The following COPS4 variants were observed in gnomAD, a reference collection of about 807,000 sequenced individuals.
COPS4 encodes the protein COP9 signalosome complex subunit 4.
COPS4 carries 8 observed loss-of-function variants against 55.1 expected under a neutral mutation model. The observed-to-expected ratio is 0.15, with a 90% CI of 0.09 to 0.26. The LOEUF (loss-of-function observed/expected upper bound fraction) is 0.26, where lower values mean the gene tolerates loss of function less well. COPS4 is among the 10% of genes least tolerant of loss of function. The pLI, the probability that COPS4 is intolerant of heterozygous loss-of-function variation, is 1.00. For synonymous variants in COPS4, 185 were observed against 165.7 expected, an observed-to-expected ratio of 1.12 and a Z score of -0.90; for missense variants, 248 against 484.0, an observed-to-expected ratio of 0.51 and a Z score of 4.58.
At chr4:83,037,277 G>T (rs1578699852) in intron 1 of COPS4, among the ~76,000 whole-genome samples, 1 of 152,300 alleles carries the variant, frequency 6.6e-6, no homozygotes, top group South Asian at 2.1e-4. Flanking sequence ...TCTAGTACTG[G>T]TCAAAGTAAA....
intron 1 of COPS4, among the ~76,000 whole-genome samples, chr4:83,038,048 T>C (rs1042260114): frequency 3.9e-5 from 6 of 152,360 alleles, no homozygotes; most frequent in African/African-American, 1.4e-4. Context: ...TAGGCTGCTT[T>C]TGTGCATATT....
intron 1 of COPS4, among the ~76,000 whole-genome samples, chr4:83,039,245 C>G (rs1403598009): frequency 1.3e-5 from 2 of 152,126 alleles, no homozygotes; most frequent in Non-Finnish European, 2.9e-5. Flanking sequence ...TGTGGATTGG[C>G]TGGCTTGTTG....
At chr4:83,046,105 G>A (rs2126128741) in intron 2 of COPS4, among the ~76,000 whole-genome samples, 1 of 151,742 alleles carries the variant, frequency 6.6e-6, no homozygotes, top group South Asian at 2.1e-4. Flanking sequence ...GTACATTACT[G>A]TACTACAGGG....
intron 4 of COPS4, among the ~76,000 whole-genome samples, chr4:83,052,604 C>A (rs1730914508): frequency 6.6e-6 from 1 of 152,050 alleles, no homozygotes; most frequent in African/African-American, 2.4e-5. Flanking sequence ...CTCCAGTATT[C>A]TTTTTTTGTT....
At chr4:83,056,790 C>G in intron 4 of COPS4, 136 bp from the exon 5 acceptor site, 1 of 660,434 alleles carries the variant, frequency 1.5e-6, no homozygotes, top group African/African-American at 1.9e-5. Context: ...CAGAGCAAGA[C>G]TCCATCTCAA....
In COPS4 at chr4:83,060,029, C is replaced by T. The variant is rs932867677; in HGVS notation, c.715+2621C>T. 2.3e-4 allele frequency among the ~76,000 whole-genome samples: 35 copies of T among 151,964 alleles called. 1 individual carries two copies. The highest frequency in any genetic ancestry group is 1.5e-3 in the Admixed American group (23 of 15,224). ...ACAGCTCCATTCTTATAGGTACTTCCGCATTCCCTCCGTTTTAATAGGTTG... is the reference window on the plus strand; with the variant it reads ...ACAGCTCCATTCTTATAGGTACTTCTGCATTCCCTCCGTTTTAATAGGTTG... On this transcript the variant is annotated intron_variant, in intron 6 of 9. Coordinates refer to ENST00000264389, the MANE Select transcript of COPS4 (RefSeq NM_016129.3).
intron 2 of COPS4, among the ~76,000 whole-genome samples, chr4:83,046,503 G>A (rs1482645613): frequency 1.3e-5 from 2 of 152,140 alleles, no homozygotes; most frequent in Non-Finnish European, 2.9e-5. Flanking sequence ...TCGCCATATT[G>A]CTATTCACAA....
intron 9 of COPS4, chr4:83,073,401 A>C: frequency 1.9e-6 from 1 of 519,148 alleles, no homozygotes; most frequent in Non-Finnish European, 3.6e-6. Context: ...ATTTCATTGG[A>C]TGTATATACC....
intron 2 of COPS4, among the ~76,000 whole-genome samples, chr4:83,047,595 G>A (rs1275840255): frequency 2.0e-5 from 3 of 151,958 alleles, no homozygotes; most frequent in Non-Finnish European, 1.5e-5. Flanking sequence ...TTTGATCTTT[G>A]TATAAGCTTT....
At chr4:83,062,840 CA>C (rs1731195274) in intron 6 of COPS4, 2 of 360,214 alleles carry the variant, frequency 5.6e-6, no homozygotes, top group Non-Finnish European at 5.0e-6. Context: ...AATTCATTGA[CA>C]AAAATGTTGT....
chr4:83,059,039 C>T (rs1183516843), intron 6 of COPS4, among the ~76,000 whole-genome samples: 1 of 151,818 alleles, frequency 6.6e-6, no homozygotes, highest in Non-Finnish European at 1.5e-5. Context: ...TGCTCTTGAG[C>T]ATTTTTCGTA....
chr4:83,036,585 A>T (rs1369332968), intron 1 of COPS4, among the ~76,000 whole-genome samples: 4 of 152,234 alleles, frequency 2.6e-5, no homozygotes, highest in Admixed American at 2.6e-4. Context: ...TGAGGACAAG[A>T]TGAGTATGTG....
At chr4:83,068,391 C>A in intron 8 of COPS4, 47 bp from the exon 9 acceptor site, 1 of 1,297,844 alleles carries the variant, frequency 7.7e-7, no homozygotes, top group Non-Finnish European at 1.1e-6. Context: ...ATGTGAATAA[C>A]TAAAAGATAT....
intron 4 of COPS4, among the ~76,000 whole-genome samples, chr4:83,050,748 C>T (rs186755426): frequency 6.6e-6 from 1 of 152,160 alleles, no homozygotes; most frequent in East Asian, 1.9e-4. Context: ...GGCAAGAGAT[C>T]AGGGATGAGA....
rs1485814770 is a variant in COPS4 at position 83,051,019 on chromosome 4, G to A, written c.410+1035G>A. 2.0e-5 allele frequency among the ~76,000 whole-genome samples: 3 copies of A among 151,682 alleles called. No homozygotes were observed. The East Asian group carries it at 5.8e-4, about 29-fold the overall frequency. ...CACACCTATGGTCCAAGCACTTTGG[G>A]AGGCTGAGGTGGGAGAAGATTGCTT... On this transcript the variant is annotated intron_variant, in intron 4 of 9. Coordinates refer to ENST00000264389, the MANE Select transcript of COPS4 (RefSeq NM_016129.3).
chr4:83,067,956 G>A (rs1731328816), intron 8 of COPS4, among the ~76,000 whole-genome samples: 1 of 152,166 alleles, frequency 6.6e-6, no homozygotes, highest in African/African-American at 2.4e-5. Flanking sequence ...TAAACATTAA[G>A]TATGTCTTCA....
intron 8 of COPS4, 61 bp from the exon 9 acceptor site, chr4:83,068,377 T>C (rs1445382827): frequency 8.7e-7 from 1 of 1,145,586 alleles, no homozygotes; most frequent in African/African-American, 1.5e-5. Flanking sequence ...TGTTCTCTTT[T>C]CATATGTGAA....
chr4:83,044,778 A>AAAC (rs772070874), intron 1 of COPS4, among the ~76,000 whole-genome samples: 34 of 152,238 alleles, frequency 2.2e-4, no homozygotes, highest in East Asian at 5.8e-4. Context: ...CCGTCTTCAA[A>AAAC]AACAACAACA....
intron 9 of COPS4, among the ~76,000 whole-genome samples, chr4:83,072,640 T>C (rs1731465142): frequency 6.6e-6 from 1 of 152,150 alleles, no homozygotes; most frequent in Non-Finnish European, 1.5e-5. Flanking sequence ...TTTTAGGTTA[T>C]GGTCTAGTTG....
Sources: allele counts gnomAD v4.1 joint callset (sites outside exome capture counted in the v4.1 genomes callset), GRCh38; gene constraint gnomAD v4.1.1; transcripts MANE v1.5; gene names NCBI Gene and HGNC (gene_info 2026-07-23, HGNC 2026-07-21).